Variants in BIRC6 observed in about 807,000 individuals in gnomAD.
BIRC6 encodes the protein baculoviral IAP repeat containing 6.
Under a neutral mutation model 503.3 loss-of-function variants are expected in BIRC6, and 98 were observed. The observed-to-expected ratio is 0.19, with a 90% CI of 0.17 to 0.23. The LOEUF is 0.23. Among genes scored for constraint, BIRC6 ranks in the 10% least tolerant of loss-of-function variants. The pLI, the probability that BIRC6 is intolerant of heterozygous loss-of-function variation, is 1.00. For synonymous variants in BIRC6, 2,240 were observed against 2,078.7 expected, an observed-to-expected ratio of 1.08 and a Z score of -2.11; for missense variants, 5,360 against 5,806.0, an observed-to-expected ratio of 0.92 and a Z score of 2.50.
chr2:32,461,926 C>T (rs1270512948), intron 23 of BIRC6, among the ~76,000 whole-genome samples: 1 of 152,020 alleles, frequency 6.6e-6, no homozygotes, highest in Non-Finnish European at 1.5e-5. Flanking sequence ...ATGTAGCTTC[C>T]ATGCTTAACA....
Position 32,539,599 on chromosome 2 carries a change from C to CA in BIRC6, c.12292-3640dup, listed in dbSNP as rs576380618. 1.5e-3 allele frequency among the ~76,000 whole-genome samples: 231 copies of CA among 152,178 alleles called. 1 individual carries two copies. The highest frequency in any genetic ancestry group is 5.3e-3 in the African/African-American group (222 of 41,526). The stretch of plus-strand genomic sequence containing the variant: ...AACACATGGATGAAAGAAGAAATCA[C>CA]AATAGATACTACAAGATATTTCAAA... On this transcript the variant is annotated intron_variant, in intron 61 of 73. Transcript: ENST00000421745.
intron 65 of BIRC6, chr2:32,565,615 T>C (rs987536187): frequency 3.3e-5 from 5 of 152,212 alleles, no homozygotes; most frequent in African/African-American, 4.8e-5. Context: ...AGGAAATCTA[T>C]GTATAACAAG....
intron 5 of BIRC6, among the ~76,000 whole-genome samples, chr2:32,393,959 T>C (rs2039561425): frequency 6.6e-6 from 1 of 150,424 alleles, no homozygotes; most frequent in Non-Finnish European, 1.5e-5. Flanking sequence ...TATATATATA[T>C]ATATATATAT....
chr2:32,384,742 T>G (rs1194520837), intron 3 of BIRC6, among the ~76,000 whole-genome samples: 1 of 152,218 alleles, frequency 6.6e-6, no homozygotes, highest in East Asian at 1.9e-4. Context: ...GGCCTGTGCA[T>G]AGCCTCCATA....
intron 65 of BIRC6, among the ~76,000 whole-genome samples, chr2:32,562,608 A>G (rs894031564): frequency 1.3e-5 from 2 of 152,156 alleles, no homozygotes; most frequent in Admixed American, 1.3e-4. Flanking sequence ...TCCCTTCCTA[A>G]TCCCCAGACC....
intron 22 of BIRC6, among the ~76,000 whole-genome samples, chr2:32,450,550 T>C (rs887384926): frequency 6.6e-6 from 1 of 152,208 alleles, no homozygotes; most frequent in Non-Finnish European, 1.5e-5. Flanking sequence ...TTTGTTGTTG[T>C]TGTTAATGGC....
At chr2:32,547,129 A>G (rs887799284) in intron 63 of BIRC6, among the ~76,000 whole-genome samples, 1 of 152,224 alleles carries the variant, frequency 6.6e-6, no homozygotes, top group Non-Finnish European at 1.5e-5. Flanking sequence ...TATAAAATGT[A>G]TATAAACATG....
intron 65 of BIRC6, among the ~76,000 whole-genome samples, chr2:32,567,716 A>T (rs2059628010): frequency 6.6e-6 from 1 of 152,208 alleles, no homozygotes; most frequent in African/African-American, 2.4e-5. Context: ...GGATGATAAT[A>T]CCTAATCCAC....
At chr2:32,420,889 A>ATT (rs754088886) in intron 10 of BIRC6, among the ~76,000 whole-genome samples, 1 of 111,238 alleles carries the variant, frequency 9.0e-6, no homozygotes, top group Non-Finnish European at 2.0e-5. Context: ...GATGATTTGT[A>ATT]TTTTTTTTTT....
intron 17 of BIRC6, 65 bp from the exon 18 acceptor site, chr2:32,442,000 A>C: frequency 8.3e-7 from 1 of 1,208,716 alleles, no homozygotes. Context: ...CTTTCCAGCC[A>C]GGTTGTGATA....
intron 66 of BIRC6, among the ~76,000 whole-genome samples, chr2:32,593,510 G>GT (rs766363977): frequency 4.2e-4 from 63 of 151,342 alleles, no homozygotes; most frequent in South Asian, 1.5e-3. Flanking sequence ...TCTAAAATAT[G>GT]TTTTTTTTTC....
chr2:32,491,592 C>T (rs572268425), intron 44 of BIRC6, 34 bp downstream of exon 44: 1 of 1,598,440 alleles, frequency 6.3e-7, no homozygotes, highest in Admixed American at 1.7e-5. Flanking sequence ...TATGCCCAGA[C>T]TATTCAATAA....
intron 6 of BIRC6, among the ~76,000 whole-genome samples, chr2:32,397,473 A>G (rs991998188): frequency 7.9e-6 from 1 of 127,226 alleles, no homozygotes; most frequent in African/African-American, 2.9e-5. Flanking sequence ...ACTCCATCTC[A>G]AAAAAAAAGA....
chr2:32,563,625 G>A (rs751400315), intron 65 of BIRC6: 7 of 152,130 alleles, frequency 4.6e-5, no homozygotes, highest in Non-Finnish European at 5.9e-5. Context: ...AAGTACTTAA[G>A]AGAAAAAAAT....
chr2:32,467,382 A>T lies in BIRC6; in HGVS notation c.5357-143A>T, dbSNP rs1369855062. On this transcript the variant is annotated intron_variant, in intron 26 of 73. Coordinates refer to ENST00000421745, the MANE Select transcript of BIRC6 (RefSeq NM_016252.4). ...AATTTTTGAATCAATTGACAAGGCC[A>T]TTTTTACATATTTACTTTTCCTCTT... 4.2e-6 allele frequency: 3 copies of T among 708,096 alleles called. No homozygotes were observed. The African/African-American group carries it at 5.4e-5, about 13-fold the overall frequency. 43.9% of individuals were successfully genotyped at this position (708,096 alleles called of 1,614,324 possible).
intron 23 of BIRC6, among the ~76,000 whole-genome samples, chr2:32,462,418 T>G (rs2048094277): frequency 6.6e-6 from 1 of 152,178 alleles, no homozygotes; most frequent in Non-Finnish European, 1.5e-5. Flanking sequence ...AAATCTGTTG[T>G]AGGGTTTCAC....
intron 1 of BIRC6, among the ~76,000 whole-genome samples, chr2:32,359,646 A>G (rs771421186): frequency 2.0e-5 from 3 of 152,194 alleles, no homozygotes; most frequent in Non-Finnish European, 4.4e-5. Context: ...GAACGGAATG[A>G]AGGATTACAG....
chr2:32,612,721 TTG>T (rs1384143923), intron 73 of BIRC6, among the ~76,000 whole-genome samples: 2 of 152,094 alleles, frequency 1.3e-5, no homozygotes, highest in Non-Finnish European at 2.9e-5. Flanking sequence ...GGGCCATGAG[TTG>T]ATAATGGTTG....
At chr2:32,611,943 A>G (rs2062905264) in intron 73 of BIRC6, among the ~76,000 whole-genome samples, 1 of 152,124 alleles carries the variant, frequency 6.6e-6, no homozygotes, top group Non-Finnish European at 1.5e-5. Flanking sequence ...TGGTGGCATC[A>G]TGACTCTCTG....
Sources: allele counts gnomAD v4.1 joint callset (sites outside exome capture counted in the v4.1 genomes callset), GRCh38; gene constraint gnomAD v4.1.1; transcripts MANE v1.5; gene names NCBI Gene and HGNC (gene_info 2026-07-23, HGNC 2026-07-21).